Variants in BOC observed in about 807,000 individuals in gnomAD.
BOC encodes BOC cell adhesion associated, oncogene regulated, also known as brother of CDO.
In BOC, 76 loss-of-function variants were observed where a neutral mutation model predicts 112.0. That is an observed-to-expected ratio of 0.68 (90% confidence interval 0.56 to 0.82). BOC has a LOEUF of 0.82. Among genes scored for constraint, BOC ranks in the 40% least tolerant of loss-of-function variants. BOC has a pLI of 0.00. For missense variants in BOC, 1,309 were observed against 1,511.7 expected (o/e 0.87, Z 2.22); for synonymous variants, 580 against 599.8 (o/e 0.97, Z 0.48).
At position 113,283,578 on chromosome 3, in the gene BOC, CTCA is replaced by C. The variant is rs1559890351; in HGVS notation, c.2608_2610del (p.Ile870del). On this transcript the variant is annotated inframe_deletion, in exon 16 of 20. Coordinates refer to ENST00000682979, the MANE Select transcript of BOC (RefSeq NM_001378074.1). ...CGGGGTCGTCCTGGGCTCCATCGTT[CTCA>C]TCATCGTCACCTTCATCCCCTTCTG... is the stretch of plus-strand genomic sequence containing the variant. The C allele has an allele frequency of 5.6e-6, 9 of 1,613,874 alleles. No homozygotes were observed. Among genetic ancestry groups the C allele is most frequent in the African/African-American group, 1.3e-5 (1 of 74,928 alleles).
At chr3:113,220,080 G>A (rs1940301959) in intron 2 of BOC, among the ~76,000 whole-genome samples, 1 of 152,132 alleles carries the variant, frequency 6.6e-6, no homozygotes, top group South Asian at 2.1e-4. Context: ...CTGGTCAGGA[G>A]AAGTGGCAGC....
In BOC at chr3:113,278,368, C is replaced by A; in HGVS notation, c.1705+111C>A. 2 of 1,234,780 alleles carry A rather than the reference C, an allele frequency of 1.6e-6. No homozygotes were observed. Among genetic ancestry groups the A allele is most frequent in the Non-Finnish European group, 2.3e-6 (2 of 877,384 alleles). The allele number at this position is 1,234,780 out of a possible 1,614,324, so 76.5% of individuals were successfully genotyped here. On this transcript the variant is annotated intron_variant, in intron 10 of 19. Coordinates refer to ENST00000682979, the MANE Select transcript of BOC (RefSeq NM_001378074.1). The surrounding 1 kb of genome is among the most constrained non-coding windows in gnomAD (Gnocchi z 4.2). ...TGCCCCAGCTGTTCACCTTGAACTT[C>A]ATCTTTCCTTCCAGCTACTGCCTCC...
At chr3:113,267,185 T>G (rs2107611409) in intron 4 of BOC, among the ~76,000 whole-genome samples, 1 of 152,290 alleles carries the variant, frequency 6.6e-6, no homozygotes, top group East Asian at 1.9e-4. Flanking sequence ...TGTCTTATAC[T>G]CCATTAGTTT....
chr3:113,241,814 A>G (rs1212193522), intron 2 of BOC, among the ~76,000 whole-genome samples: 3 of 151,516 alleles, frequency 2.0e-5, no homozygotes, highest in East Asian at 3.9e-4. Context: ...TGGCAGTTGA[A>G]CCCCCTCCCC....
chr3:113,282,634 C>T (rs78169274), intron 15 of BOC, among the ~76,000 whole-genome samples: 6,133 of 152,036 alleles, frequency 0.04, 179 homozygotes, highest in East Asian at 0.099. Flanking sequence ...GATTGGTTTG[C>T]GGCTCTTTAG....
intron 2 of BOC, among the ~76,000 whole-genome samples, chr3:113,237,898 A>C (rs928991962): frequency 3.9e-5 from 6 of 152,180 alleles, no homozygotes; most frequent in African/African-American, 1.4e-4. Context: ...AGCACCTATG[A>C]TGTGCCAAGG....
At chr3:113,226,865 C>T (rs982730169) in intron 2 of BOC, among the ~76,000 whole-genome samples, 1 of 152,196 alleles carries the variant, frequency 6.6e-6, no homozygotes, top group African/African-American at 2.4e-5. Flanking sequence ...ACATTCATGC[C>T]TCTTCAGTCA....
Position 113,277,441 on chromosome 3 carries a change from T to C in BOC, c.1543-654T>C, listed in dbSNP as rs902881509. ...TTCTTCCCAGGATAGGGTGCAATGATGGGCATGCTCTTTGGAGTCAAGTCA... is the reference window on the plus strand; with the variant it reads ...TTCTTCCCAGGATAGGGTGCAATGACGGGCATGCTCTTTGGAGTCAAGTCA... On this transcript the variant is annotated intron_variant, in intron 9 of 19. Coordinates refer to ENST00000682979, the MANE Select transcript of BOC (RefSeq NM_001378074.1). Among the ~76,000 whole-genome samples the C allele has an allele frequency of 2.0e-5, 3 of 152,364 alleles. No individual in the cohort carries two copies. In the South Asian group the frequency reaches 6.2e-4, roughly 32 times the overall value.
At position 113,273,217 on chromosome 3, in the gene BOC, G is replaced by C. The variant is rs373269156; in HGVS notation, c.1110G>C (p.Arg370=). Residue 370 remains arginine (R), a synonymous_variant, in exon 8 of 20, where the codon CGG becomes CGC. Transcript: ENST00000682979. The part of the protein sequence containing the change: ...AVPLISSQRL[R]LSRRALRVLS... ...CCCTCATCTCCAGCCAGCGCCTCCG[G>C]CTCTCCCGCAGGGCCCTGCGCGTGC... 2.0e-5 allele frequency: 32 copies of C among 1,613,582 alleles called. No individual in the cohort carries two copies. The African/African-American group carries it at 3.6e-4, about 18-fold the overall frequency.
At chr3:113,285,705 C>A in intron 19 of BOC, 140 bp downstream of exon 19, 1 of 886,632 alleles carries the variant, frequency 1.1e-6, no homozygotes, top group Non-Finnish European at 1.6e-6. Context: ...AGGGATGGGG[C>A]ATCGAGGGTG....
chr3:113,284,925 C>A, intron 18 of BOC, 67 bp downstream of exon 18: 2 of 1,433,362 alleles, frequency 1.4e-6, no homozygotes, highest in Non-Finnish European at 2.0e-6. Flanking sequence ...CTCCTCAAAT[C>A]CAAGGCCTGT....
intron 4 of BOC, among the ~76,000 whole-genome samples, chr3:113,265,271 A>G (rs534287241): frequency 2.0e-5 from 3 of 152,286 alleles, no homozygotes; most frequent in Non-Finnish European, 2.9e-5. Context: ...AGTTCCTTAC[A>G]TCTTTCTTGC....
chr3:113,276,224 G>A (rs542810341), intron 9 of BOC, among the ~76,000 whole-genome samples: 5 of 152,352 alleles, frequency 3.3e-5, no homozygotes, highest in East Asian at 3.9e-4. Context: ...ATAGGTGGCC[G>A]TGAAGCAGCC....
At chr3:113,242,274 C>T (rs183129977) in intron 2 of BOC, among the ~76,000 whole-genome samples, 7 of 152,114 alleles carry the variant, frequency 4.6e-5, no homozygotes, top group East Asian at 3.9e-4. Context: ...CCTTTTCTTT[C>T]GGTCTTCCAG....
intron 17 of BOC, 85 bp from the exon 18 acceptor site, chr3:113,284,697 G>A: frequency 6.6e-7 from 1 of 1,521,950 alleles, no homozygotes; most frequent in Admixed American, 1.7e-5. Flanking sequence ...TTAGTCAGGA[G>A]CAGATGCTCC....
At chr3:113,260,751 C>T (rs943377828) in intron 4 of BOC, among the ~76,000 whole-genome samples, 1 of 151,874 alleles carries the variant, frequency 6.6e-6, no homozygotes, top group South Asian at 2.1e-4. Context: ...CAGAACAGAA[C>T]AGGTTTTCAC....
intron 2 of BOC, among the ~76,000 whole-genome samples, chr3:113,249,434 C>A (rs1435506291): frequency 1.3e-5 from 2 of 152,250 alleles, no homozygotes; most frequent in Admixed American, 6.5e-5. Context: ...GTATCCTCTG[C>A]CCCTCCTCCT....
At chr3:113,279,526 C>G in intron 12 of BOC, 71 bp downstream of exon 12, 1 of 1,454,314 alleles carries the variant, frequency 6.9e-7, no homozygotes, top group Non-Finnish European at 9.4e-7. Flanking sequence ...AGGAGGATGA[C>G]GAGCCTGGGA....
rs576725771 is a variant in BOC, at chr3:113,223,897, G to A, written c.-82+7623G>A. 2.4e-4 allele frequency among the ~76,000 whole-genome samples: 36 copies of A among 152,372 alleles called. No individual in the cohort carries two copies. The South Asian group carries it at 6.6e-3, about 28-fold the overall frequency. ...GGTCTGCAGTGTGGTCCCTTTATCA[G>A]CTTCCACTGAGCATGCCGGCCCTGG... On this transcript the variant is annotated intron_variant, in intron 2 of 19. Coordinates refer to ENST00000682979, the MANE Select transcript of BOC (RefSeq NM_001378074.1).
Sources: gnomAD v4.1 joint callset for allele counts (sites outside exome capture counted in the v4.1 genomes callset) on GRCh38, gnomAD v4.1.1 for gene constraint, Gnocchi (gnomAD v3.1) non-coding constraint, MANE v1.5 for transcripts, NCBI Gene and HGNC (gene_info 2026-07-23, HGNC 2026-07-21) for gene names.